Variants in FILIP1L observed in about 807,000 individuals in gnomAD.
The protein encoded by FILIP1L is filamin A-interacting protein 1-like.
In FILIP1L, 55 loss-of-function variants were observed where a neutral mutation model predicts 96.6. The observed-to-expected ratio is 0.57, with a 90% CI of 0.46 to 0.71. The LOEUF is 0.71. Among genes scored for constraint, FILIP1L ranks in the 30% least tolerant of loss-of-function variants. The probability of loss-of-function intolerance (pLI) is 0.00; values close to 1 mark genes in which losing one functional copy is unlikely to be tolerated. For synonymous variants in FILIP1L, 467 were observed against 473.9 expected, an observed-to-expected ratio of 0.99 and a Z score of 0.19; for missense variants, 1,304 against 1,321.2, an observed-to-expected ratio of 0.99 and a Z score of 0.20.
chr3:99,869,957 A>G (rs1437755754), intron 4 of FILIP1L, among the ~76,000 whole-genome samples: 4 of 152,138 alleles, frequency 2.6e-5, no homozygotes, highest in Non-Finnish European at 5.9e-5. Context: ...CACAGGCCCA[A>G]GTGCTACAGC....
chr3:99,988,511 C>CAAAAAAAAAA (rs757175318), intron 1 of FILIP1L, among the ~76,000 whole-genome samples: 2 of 47,820 alleles, frequency 4.2e-5, no homozygotes, highest in African/African-American at 6.8e-5. Flanking sequence ...GACTCCATCT[C>CAAAAAAAAAA]AAAAAAAAAA....
chr3:100,103,300 A>T (rs1412334226), intron 1 of FILIP1L, among the ~76,000 whole-genome samples: 1 of 152,198 alleles, frequency 6.6e-6, no homozygotes, highest in East Asian at 1.9e-4. Context: ...CCAGAAACAC[A>T]CATGCAGAAC....
At chr3:99,912,186 C>G (rs980931127) in intron 4 of FILIP1L, among the ~76,000 whole-genome samples, 23 of 152,162 alleles carry the variant, frequency 1.5e-4, no homozygotes, top group African/African-American at 5.5e-4. Context: ...TATACTGATA[C>G]ATGTTACAAC....
intron 1 of FILIP1L, among the ~76,000 whole-genome samples, chr3:100,005,350 G>A (rs1485080941): frequency 6.6e-6 from 1 of 152,150 alleles, no homozygotes; most frequent in Non-Finnish European, 1.5e-5. Context: ...GGAGGTTAGG[G>A]GGTTCAGATT....
At chr3:99,955,453 TG>T (rs1390007450) in intron 1 of FILIP1L, among the ~76,000 whole-genome samples, 1 of 152,234 alleles carries the variant, frequency 6.6e-6, no homozygotes, top group Non-Finnish European at 1.5e-5. Context: ...TGCTTGGCTC[TG>T]GGGGATAATA....
chr3:99,871,529 C>G (rs560544058), intron 4 of FILIP1L, among the ~76,000 whole-genome samples: 1 of 152,128 alleles, frequency 6.6e-6, no homozygotes, highest in Non-Finnish European at 1.5e-5. Context: ...TGTCACATCA[C>G]AGTGCACAGT....
Position 99,951,654 on chromosome 3 carries a change from C to T in FILIP1L, c.-10-20624G>A, listed in dbSNP as rs1279714603. ...CCTCCCCCACCACATATACACAGTCCCCACTATGTTGGGCTTGGCCACCTT... is the reference window on the plus strand; with the variant it reads ...CCTCCCCCACCACATATACACAGTCTCCACTATGTTGGGCTTGGCCACCTT... On this transcript the variant is annotated intron_variant, in intron 1 of 5. Coordinates refer to ENST00000477258, the MANE Select transcript of FILIP1L (RefSeq NM_001387850.1). Among the ~76,000 whole-genome samples, 4 of 152,156 alleles carry T rather than the reference C, an allele frequency of 2.6e-5. No individual in the cohort carries two copies. The East Asian group carries it at 7.7e-4, about 29-fold the overall frequency.
intron 4 of FILIP1L, among the ~76,000 whole-genome samples, chr3:99,860,672 A>G (rs1385435585): frequency 6.6e-6 from 1 of 152,176 alleles, no homozygotes; most frequent in Non-Finnish European, 1.5e-5. Flanking sequence ...TGCTGCTATG[A>G]AAGGGCCAGG....
In FILIP1L at chr3:100,060,657, C is replaced by A. The variant is rs141445425; in HGVS notation, c.-11+53396G>T. On this transcript the variant is annotated intron_variant, in intron 1 of 5. Transcript: ENST00000477258. ...ATACCTTGAGCTCACAAATTTGAGA[C>A]CAGCCTGGGCAATATAGTGAAACCC... Among the ~76,000 whole-genome samples the A allele has an allele frequency of 4.6e-3, 706 of 152,048 alleles. 2 individuals are homozygous for A. Among genetic ancestry groups the A allele is most frequent in the South Asian group, 7.1e-3 (34 of 4,812 alleles).
intron 1 of FILIP1L, among the ~76,000 whole-genome samples, chr3:100,075,921 G>GAC (rs2065843172): frequency 6.6e-6 from 1 of 152,100 alleles, no homozygotes; most frequent in Non-Finnish European, 1.5e-5. Context: ...AGCTGAGTTG[G>GAC]AGCCTAGAAA....
chr3:99,867,418 A>G (rs1331384952), intron 4 of FILIP1L, among the ~76,000 whole-genome samples: 2 of 152,354 alleles, frequency 1.3e-5, no homozygotes, highest in Non-Finnish European at 1.5e-5. Flanking sequence ...AGTAGCTGAA[A>G]AAAAGGTTTT....
intron 4 of FILIP1L, among the ~76,000 whole-genome samples, chr3:99,914,220 C>A (rs540864862): frequency 6.6e-6 from 1 of 152,208 alleles, no homozygotes; most frequent in East Asian, 1.9e-4. Context: ...GATTTGGACT[C>A]TAAGACTTGA....
chr3:99,844,276 G>A (rs1399471005), intron 5 of FILIP1L, among the ~76,000 whole-genome samples: 1 of 152,188 alleles, frequency 6.6e-6, no homozygotes, highest in Non-Finnish European at 1.5e-5. Context: ...GTTCTCATTG[G>A]ATAGCTCTGA....
At chr3:100,071,318 G>A (rs1030474209) in intron 1 of FILIP1L, among the ~76,000 whole-genome samples, 2 of 152,106 alleles carry the variant, frequency 1.3e-5, no homozygotes, top group Non-Finnish European at 2.9e-5. Context: ...CAAGAAGACA[G>A]TAAGGGACAG....
intron 4 of FILIP1L, among the ~76,000 whole-genome samples, chr3:99,858,774 C>CA (rs1559662979): frequency 6.6e-6 from 1 of 152,196 alleles, no homozygotes; most frequent in Non-Finnish European, 1.5e-5. Flanking sequence ...ATATCTTCTT[C>CA]ACTCTCAAAG....
Position 99,880,984 on chromosome 3 carries a change from G to A in FILIP1L, c.606-29914C>T, listed in dbSNP as rs1300894641. On this transcript the variant is annotated intron_variant, in intron 4 of 5. Transcript: ENST00000477258. ...GACATTGGGCTATTTAAAAGCGCAT[G>A]TTTACATATTCTCCCTAGCATTGGT... is the stretch of plus-strand genomic sequence containing the variant. Among the ~76,000 whole-genome samples the A allele has an allele frequency of 2.6e-5, 4 of 152,064 alleles. No homozygotes were observed. The South Asian group carries it at 8.3e-4, about 31-fold the overall frequency.
rs760897783 is a variant in FILIP1L at position 99,983,830 on chromosome 3, T to TAAA, written c.-10-52801_-10-52800insTTT. Among the ~76,000 whole-genome samples, 32 of 151,870 alleles carry TAAA rather than the reference T, an allele frequency of 2.1e-4. 1 individual carries two copies. The highest frequency in any genetic ancestry group is 4.2e-4 in the South Asian group (2 of 4,816). ...ATCAGAGGATGAAAGCAAAGGAGAATGGACCATCTGATGAAATAAACTTAT... is the reference window on the plus strand; with the variant it reads ...ATCAGAGGATGAAAGCAAAGGAGAATAAAGGACCATCTGATGAAATAAACTTAT... On this transcript the variant is annotated intron_variant, in intron 1 of 5. Coordinates refer to ENST00000477258, the MANE Select transcript of FILIP1L (RefSeq NM_001387850.1).
At position 99,866,450 on chromosome 3, in the gene FILIP1L, C is replaced by T. The variant is rs147513926; in HGVS notation, c.606-15380G>A. Among the ~76,000 whole-genome samples the T allele has an allele frequency of 4.5e-3, 685 of 152,252 alleles. 7 individuals are homozygous for T. Among genetic ancestry groups the T allele is most frequent in the African/African-American group, 0.016 (672 of 41,566 alleles). On this transcript the variant is annotated intron_variant, in intron 4 of 5. Coordinates refer to ENST00000477258, the MANE Select transcript of FILIP1L (RefSeq NM_001387850.1). ...AGATGCCTATGTTTTACTGTGACTACTGAAGTCACAGTTTGCCATAGAAAC... is the reference window on the plus strand; with the variant it reads ...AGATGCCTATGTTTTACTGTGACTATTGAAGTCACAGTTTGCCATAGAAAC...
chr3:100,016,812 C>T (rs1022382327), intron 1 of FILIP1L, among the ~76,000 whole-genome samples: 1 of 152,142 alleles, frequency 6.6e-6, no homozygotes, highest in South Asian at 2.1e-4. Context: ...TATCTCTTTT[C>T]TTAATAGTGC....
Sources: gnomAD v4.1 joint callset for allele counts (sites outside exome capture counted in the v4.1 genomes callset) on GRCh38, gnomAD v4.1.1 for gene constraint, MANE v1.5 for transcripts, NCBI Gene and HGNC (gene_info 2026-07-23, HGNC 2026-07-21) for gene names.